The following PDE4D variants were observed in gnomAD, a reference collection of about 807,000 sequenced individuals.
The protein encoded by PDE4D is phosphodiesterase 4D, also known as 3',5'-cyclic-AMP phosphodiesterase 4D.
PDE4D carries 24 observed loss-of-function variants against 87.4 expected under a neutral mutation model. The observed-to-expected ratio is 0.27, with a 90% CI of 0.20 to 0.39. PDE4D has a LOEUF of 0.39. PDE4D is among the 10% of genes least tolerant of loss of function. PDE4D has a pLI of 1.00. For missense variants in PDE4D, 714 were observed against 1,041.0 expected (o/e 0.69, Z 4.32); for synonymous variants, 384 against 383.2 (o/e 1.00, Z -0.02).
At chr5:60,291,300 C>T (rs1752871779) in intron 1 of PDE4D, among the ~76,000 whole-genome samples, 1 of 152,122 alleles carries the variant, frequency 6.6e-6, no homozygotes, top group African/African-American at 2.4e-5. Flanking sequence ...CAACTATATG[C>T]TACAGATTAA....
At chr5:59,603,823 C>T (rs184188106) in intron 1 of PDE4D, among the ~76,000 whole-genome samples, 13 of 151,808 alleles carry the variant, frequency 8.6e-5, no homozygotes, top group Admixed American at 6.6e-4. Context: ...AAAATAAGTT[C>T]AAGAAATCTA....
intron 5 of PDE4D, among the ~76,000 whole-genome samples, chr5:59,053,640 TTTTTGTTTTTTTTTGTTGTTG>T (rs1229433144): frequency 6.6e-4 from 70 of 105,280 alleles, no homozygotes; most frequent in African/African-American, 2.7e-3. Context: ...GTTGTTTTGT[TTTTTGTTTTTTTTTGTTGTTG>T]TTTTTTTTTT....
chr5:59,956,984 T>A (rs1034467511), intron 3 of PDE4D, among the ~76,000 whole-genome samples: 1 of 152,208 alleles, frequency 6.6e-6, no homozygotes, highest in East Asian at 1.9e-4. Context: ...TAAATATATA[T>A]GTGGCCAGAT....
In PDE4D at chr5:59,278,995, T is replaced by C. The variant is rs1244367170; in HGVS notation, c.456-63027A>G. ...ACATTAAACATTAAATGAAGCCAAC[T>C]GAATGAGGTGTTACGGAGTAATTTT... On this transcript the variant is annotated intron_variant, in intron 1 of 14. Coordinates refer to ENST00000340635, the MANE Select transcript of PDE4D (RefSeq NM_001104631.2). Among the ~76,000 whole-genome samples, 8 of 152,254 alleles carry C rather than the reference T, an allele frequency of 5.3e-5. 1 individual carries two copies. In the South Asian group the frequency reaches 1.5e-3, roughly 28 times the overall value.
At chr5:59,528,852 G>T (rs924536255) in intron 1 of PDE4D, 9 of 286,242 alleles carry the variant, frequency 3.1e-5, no homozygotes, top group African/African-American at 1.8e-4. Context: ...TTGTGTGCTG[G>T]GTCACCAAAA....
In PDE4D at chr5:59,232,827, T is replaced by C. The variant is rs72765928; in HGVS notation, c.456-16859A>G. On this transcript the variant is annotated intron_variant, in intron 1 of 14. Coordinates refer to ENST00000340635, the MANE Select transcript of PDE4D (RefSeq NM_001104631.2). ...GAGAAAATACATATATATATATATA[T>C]ACACACACACATACACATACAATGG... is the stretch of plus-strand genomic sequence containing the variant. Among the ~76,000 whole-genome samples, 205 of 100,062 alleles carry C rather than the reference T, an allele frequency of 2.0e-3. 1 individual carries two copies. Among genetic ancestry groups the C allele is most frequent in the African/African-American group, 7.6e-3 (187 of 24,736 alleles). 65.6% of individuals were successfully genotyped at this position (100,062 alleles called of 152,430 possible).
chr5:60,158,176 A>G (rs1057221129), intron 2 of PDE4D, among the ~76,000 whole-genome samples: 8 of 152,216 alleles, frequency 5.3e-5, no homozygotes, highest in African/African-American at 1.7e-4. Context: ...ATAAGTGATT[A>G]CGTTGTTGTG....
At position 59,258,171 on chromosome 5, in the gene PDE4D, C is replaced by T. The variant is rs112091421; in HGVS notation, c.456-42203G>A. Among the ~76,000 whole-genome samples the T allele has an allele frequency of 8.9e-3, 1,350 of 152,062 alleles. 15 individuals carry two copies. The highest frequency in any genetic ancestry group is 0.03 in the African/African-American group (1,241 of 41,506). ...TTGTACCTGCTATAATCCCCTTCTCCCCAATGTTTGTTTGACTGGTTCTTT... is the reference window on the plus strand; with the variant it reads ...TTGTACCTGCTATAATCCCCTTCTCTCCAATGTTTGTTTGACTGGTTCTTT... On this transcript the variant is annotated intron_variant, in intron 1 of 14. Coordinates refer to ENST00000340635, the MANE Select transcript of PDE4D (RefSeq NM_001104631.2).
chr5:59,565,075 G>A (rs1157520973), intron 1 of PDE4D, among the ~76,000 whole-genome samples: 1 of 152,172 alleles, frequency 6.6e-6, no homozygotes, highest in Non-Finnish European at 1.5e-5. Flanking sequence ...TGCAGCTGGG[G>A]TGTGGCACAT....
In PDE4D at chr5:59,424,347, A is replaced by G. The variant is rs115820342; in HGVS notation, c.456-208379T>C. On this transcript the variant is annotated intron_variant, in intron 1 of 14. Coordinates refer to ENST00000340635, the MANE Select transcript of PDE4D (RefSeq NM_001104631.2). ...TGAAAGGAAGGGCCTCTCATCAAAG[A>G]AAGTAGTCCCTTTGTTTTCAAAGTT... Among the ~76,000 whole-genome samples, 1,131 of 152,304 alleles carry G rather than the reference A, an allele frequency of 7.4e-3. 15 individuals carry two copies. Among genetic ancestry groups the G allele is most frequent in the African/African-American group, 0.025 (1,029 of 41,570 alleles).
chr5:59,467,066 A>G (rs952221548), intron 1 of PDE4D, among the ~76,000 whole-genome samples: 2 of 152,184 alleles, frequency 1.3e-5, no homozygotes, highest in Non-Finnish European at 2.9e-5. Context: ...TACAGAGGAA[A>G]GACCCCGTGA....
At chr5:60,051,195 T>C (rs979988111) in intron 2 of PDE4D, among the ~76,000 whole-genome samples, 23 of 152,108 alleles carry the variant, frequency 1.5e-4, no homozygotes, top group African/African-American at 5.6e-4. Flanking sequence ...GCAGACTTAA[T>C]AGGCATCTAC....
intron 1 of PDE4D, among the ~76,000 whole-genome samples, chr5:59,676,004 G>C (rs1016672253): frequency 5.3e-5 from 8 of 152,044 alleles, no homozygotes; most frequent in African/African-American, 1.9e-4. Flanking sequence ...AAAATATAGT[G>C]TTAAGAGATC....
At chr5:60,438,819 A>AT (rs944819224) in intron 1 of PDE4D, among the ~76,000 whole-genome samples, 9 of 152,070 alleles carry the variant, frequency 5.9e-5, no homozygotes, top group Non-Finnish European at 1.3e-4. Flanking sequence ...ACAAAGTAGC[A>AT]TTTTTTTTCC....
intron 1 of PDE4D, among the ~76,000 whole-genome samples, chr5:59,556,794 G>A (rs1819007941): frequency 6.6e-6 from 1 of 151,854 alleles, no homozygotes; most frequent in Non-Finnish European, 1.5e-5. Flanking sequence ...TATTGACTTT[G>A]TACTTTTTGT....
chr5:59,627,645 T>C (rs753671380), intron 1 of PDE4D, among the ~76,000 whole-genome samples: 1 of 152,206 alleles, frequency 6.6e-6, no homozygotes, highest in African/African-American at 2.4e-5. Context: ...TCAAGGCACA[T>C]TGGAGTATGT....
rs874768 is a variant in PDE4D, at chr5:60,405,075, G to C, written c.-90+82867C>G. ...AACTAAATTTGGCTGACATCTGTCA[G>C]TTCTCTTCTCTAATTAACTGTGGGC... On this transcript the variant is annotated intron_variant, in intron 1 of 16. Coordinates refer to the PDE4D transcript ENST00000502484. Among the ~76,000 whole-genome samples the C allele has an allele frequency of 8.4e-4, 128 of 152,326 alleles. 3 individuals are homozygous for C. In the South Asian group the frequency reaches 0.026, roughly 31 times the overall value.
chr5:59,434,419 A>T (rs1207753708), intron 1 of PDE4D, among the ~76,000 whole-genome samples: 1 of 151,498 alleles, frequency 6.6e-6, no homozygotes, highest in Non-Finnish European at 1.5e-5. Flanking sequence ...TCCCTCCCCA[A>T]CCCTCGTGTT....
At chr5:59,979,421 G>GGGGTGTGTGTGTGTGTGTGT (rs71606616) in intron 3 of PDE4D, among the ~76,000 whole-genome samples, 1 of 147,630 alleles carries the variant, frequency 6.8e-6, no homozygotes, top group East Asian at 2.0e-4. Context: ...CACAGCAAGG[G>GGGGTGTGTGTGTGTGTGTGT]GTGTGTGTGT....
Sources: gnomAD v4.1 joint callset for allele counts (sites outside exome capture counted in the v4.1 genomes callset) on GRCh38, gnomAD v4.1.1 for gene constraint, MANE v1.5 for transcripts, NCBI Gene and HGNC (gene_info 2026-07-23, HGNC 2026-07-21) for gene names.